The following TGS1 variants were observed in gnomAD, a reference collection of about 807,000 sequenced individuals.
TGS1 encodes trimethylguanosine synthase 1, also known as trimethylguanosine synthase.
Under a neutral mutation model 92.2 loss-of-function variants are expected in TGS1, and 69 were observed. The ratio of observed to expected loss-of-function variants is 0.75; its 90% confidence interval spans 0.62 to 0.91. The LOEUF (loss-of-function observed/expected upper bound fraction) is 0.91, where lower values mean the gene tolerates loss of function less well. TGS1 is among the 40% of genes least tolerant of loss of function. The pLI is 0.00. For missense variants in TGS1, 1,062 were observed against 1,001.2 expected (o/e 1.06, Z -0.82); for synonymous variants, 345 against 338.1 (o/e 1.02, Z -0.22).
chr8:55,774,654 A>G (rs966046259), intron 1 of TGS1, among the ~76,000 whole-genome samples: 3 of 152,220 alleles, frequency 2.0e-5, no homozygotes, highest in Non-Finnish European at 2.9e-5. Context: ...GCACTGAGGT[A>G]CAAGACATTC....
At chr8:55,795,871 T>G (rs1812028547) in intron 6 of TGS1, 107 bp from the exon 7 acceptor site, 3 of 828,122 alleles carry the variant, frequency 3.6e-6, no homozygotes, top group Non-Finnish European at 5.8e-6. Flanking sequence ...AAAAGGGAAT[T>G]AAAATGGTGT....
chr8:55,817,067 G>A lies in TGS1; in HGVS notation c.2439+3949G>A, dbSNP rs183767139. On this transcript the variant is annotated intron_variant, in intron 12 of 12. Transcript: ENST00000260129. ...TTTAGTAGAGACAGGGTTTCACCAC[G>A]TTGGCCAGGATGGTCTCGATCTCTT... is the stretch of plus-strand genomic sequence containing the variant. 3.3e-5 allele frequency among the ~76,000 whole-genome samples: 5 copies of A among 152,130 alleles called. No individual in the cohort carries two copies. In the East Asian group the frequency reaches 7.7e-4, roughly 23 times the overall value.
intron 10 of TGS1, among the ~76,000 whole-genome samples, chr8:55,806,803 T>C (rs1463563994): frequency 2.0e-5 from 3 of 152,226 alleles, no homozygotes; most frequent in Admixed American, 2.0e-4. Flanking sequence ...GCCAAGGTCA[T>C]AGTATTTTAT....
chr8:55,775,571 T>A (rs1811373047), intron 1 of TGS1, among the ~76,000 whole-genome samples: 1 of 152,074 alleles, frequency 6.6e-6, no homozygotes, highest in Non-Finnish European at 1.5e-5. Flanking sequence ...TATTGCTGCC[T>A]TTCACTGAGG....
rs551017095 is a variant in TGS1 at position 55,789,397 on chromosome 8, TAATC to T, written c.1163-781_1163-778del. On this transcript the variant is annotated intron_variant, in intron 4 of 12. Transcript: ENST00000260129. ...AAGGCAAATGAAGAGAAATTCTTCT[TAATC>T]AATGTGATTATGCCCCCTTTACGGT... Among the ~76,000 whole-genome samples, 90 of 152,300 alleles carry T rather than the reference TAATC, an allele frequency of 5.9e-4. 1 individual carries two copies. Among genetic ancestry groups the T allele is most frequent in the South Asian group, 2.5e-3 (12 of 4,826 alleles).
Position 55,782,780 on chromosome 8 carries a change from G to T in TGS1, c.134G>T (p.Gly45Val). ...DRKLYNLGLK[G>V]YYIRDSGNNS... Reference sequence around the variant, plus strand: ...AAATTGTACAATTTGGGATTAAAAGGCTATTACATCAGAGACAGTGGCAAC... The same window carrying T: ...AAATTGTACAATTTGGGATTAAAAGTCTATTACATCAGAGACAGTGGCAAC... Residue 45 changes from glycine to valine, a missense_variant, in exon 2 of 13, where the codon GGC becomes GTC. Transcript: ENST00000260129. The T allele has an allele frequency of 1.9e-6, 3 of 1,610,648 alleles. No homozygotes were observed. The highest frequency in any genetic ancestry group is 2.5e-6 in the Non-Finnish European group (3 of 1,178,930).
Position 55,790,294 on chromosome 8 carries a change from G to A in TGS1, c.1275G>A (p.Lys425=). 6.2e-7 allele frequency: 1 copy of A among 1,611,022 alleles called. No individual in the cohort carries two copies. Among genetic ancestry groups the A allele is most frequent in the Non-Finnish European group, 8.5e-7 (1 of 1,177,274 alleles). ...DPPEHKPSKL[K]RSHELDIDEN... ...CTGAGCATAAGCCAAGCAAACTGAA[G>A]AGGAGGTAAGTTACATGAGACCCCT... The change falls in exon 5 of 13, where the codon AAG becomes AAA. Residue 425 remains lysine (K), a synonymous_variant. Transcript: ENST00000260129.
intron 4 of TGS1, among the ~76,000 whole-genome samples, chr8:55,788,886 TAC>T (rs1281619891): frequency 6.6e-6 from 1 of 152,228 alleles, no homozygotes; most frequent in Non-Finnish European, 1.5e-5. Context: ...GCCTCTGACT[TAC>T]AGTCTCATTT....
At chr8:55,791,081 A>T (rs1164330265) in intron 5 of TGS1, among the ~76,000 whole-genome samples, 2 of 152,192 alleles carry the variant, frequency 1.3e-5, no homozygotes, top group Non-Finnish European at 2.9e-5. Flanking sequence ...CATTGTATAG[A>T]TAGGAACACT....
In TGS1 at chr8:55,826,265, T is replaced by C. The variant is rs1348559826; in HGVS notation, c.*1562T>C. ...TTAACCTTTCTTGCATATACTTCTT[T>C]CCACAGCTCATTTTCTTACTTGTAT... On this transcript the variant is annotated 3_prime_UTR_variant, in exon 13 of 13. Coordinates refer to ENST00000260129, the MANE Select transcript of TGS1 (RefSeq NM_024831.8). Among the ~76,000 whole-genome samples, 1 of 152,182 alleles carries C rather than the reference T, an allele frequency of 6.6e-6. No individual in the cohort carries two copies. The highest frequency in any genetic ancestry group is 2.4e-5 in the African/African-American group (1 of 41,432).
chr8:55,816,580 T>A (rs569742849), intron 12 of TGS1, among the ~76,000 whole-genome samples: 4 of 152,332 alleles, frequency 2.6e-5, no homozygotes, highest in Non-Finnish European at 2.9e-5. Context: ...TCATGGTATG[T>A]ATCTTACCAA....
chr8:55,814,813 G>C (rs1803433127), intron 12 of TGS1, among the ~76,000 whole-genome samples: 1 of 149,468 alleles, frequency 6.7e-6, no homozygotes, highest in Non-Finnish European at 1.5e-5. Flanking sequence ...ACTCCAGCCT[G>C]GGTGACAGAG....
At chr8:55,783,547 A>C (rs1370104075) in intron 2 of TGS1, among the ~76,000 whole-genome samples, 1 of 152,230 alleles carries the variant, frequency 6.6e-6, no homozygotes, top group East Asian at 1.9e-4. Context: ...CTTTTGCCTG[A>C]AGTAAAGAGA....
intron 12 of TGS1, among the ~76,000 whole-genome samples, chr8:55,823,885 C>T (rs548542805): frequency 3.9e-5 from 6 of 152,124 alleles, no homozygotes; most frequent in African/African-American, 1.2e-4. Context: ...GAGGCCGGGC[C>T]GAGCGGATCA....
chr8:55,809,453 ATT>A lies in TGS1; in HGVS notation c.2144-1415_2144-1414del, dbSNP rs11450515. ...TGGCTGAGGATTAACATTTGTCAGCATTTTTTTTTTTTTTGCAGTTGTGGGGT... is the reference window on the plus strand; with the variant it reads ...TGGCTGAGGATTAACATTTGTCAGCATTTTTTTTTTTTGCAGTTGTGGGGT... On this transcript the variant is annotated intron_variant, in intron 10 of 12. Coordinates refer to ENST00000260129, the MANE Select transcript of TGS1 (RefSeq NM_024831.8). 4.0e-3 allele frequency among the ~76,000 whole-genome samples: 586 copies of A among 145,782 alleles called. 6 individuals carry two copies. Among genetic ancestry groups the A allele is most frequent in the African/African-American group, 0.014 (566 of 39,596 alleles).
rs1264211159 is a variant in TGS1 at position 55,825,364 on chromosome 8, A to C, written c.*661A>C. ...CCCTTTTATAAAGTTTGTGTTTGTA[A>C]AATTTCCATTGTGACATCAATACGC... On this transcript the variant is annotated 3_prime_UTR_variant, in exon 13 of 13. Coordinates refer to ENST00000260129, the MANE Select transcript of TGS1 (RefSeq NM_024831.8). 1 of 152,214 alleles carries C rather than the reference A, an allele frequency of 6.6e-6. No homozygotes were observed. The highest frequency in any genetic ancestry group is 1.9e-4 in the East Asian group (1 of 5,204). 9.4% of individuals were successfully genotyped at this position (152,214 alleles called of 1,614,324 possible).
Position 55,810,872 on chromosome 8 carries a change from C to G in TGS1, c.2144-9C>G. 6.2e-7 allele frequency: 1 copy of G among 1,610,710 alleles called. No homozygotes were observed. The highest frequency in any genetic ancestry group is 8.5e-7 in the Non-Finnish European group (1 of 1,178,340). ...CAATTAACTCATTTTTTTCTTTTCC[C>G]ACTTTTAGTGATTGCCATTGATATC... On this transcript the variant is annotated splice_polypyrimidine_tract_variant and intron_variant, in intron 10 of 12. Transcript: ENST00000260129.
At position 55,777,964 on chromosome 8, in the gene TGS1, C is replaced by CAA. The variant is rs770749124; in HGVS notation, c.101+4245_101+4246insAA. On this transcript the variant is annotated intron_variant, in intron 1 of 12. Coordinates refer to ENST00000260129, the MANE Select transcript of TGS1 (RefSeq NM_024831.8). ...CCTGAGGTATGTCTTGTTATCCTCA[C>CAA]TTATTCAAGTAGAAAATTGAGTCTT... is the stretch of plus-strand genomic sequence containing the variant. Among the ~76,000 whole-genome samples the CAA allele has an allele frequency of 5.9e-5, 9 of 151,618 alleles. No individual in the cohort carries two copies. The East Asian group carries it at 1.2e-3, about 20-fold the overall frequency.
chr8:55,794,162 T>G (rs922395971), intron 6 of TGS1, among the ~76,000 whole-genome samples: 1 of 152,220 alleles, frequency 6.6e-6, no homozygotes, highest in Non-Finnish European at 1.5e-5. Flanking sequence ...TTATTACATG[T>G]GCCTGCCTGC....
Sources: allele counts gnomAD v4.1 joint callset (sites outside exome capture counted in the v4.1 genomes callset), GRCh38; gene constraint gnomAD v4.1.1; transcripts MANE v1.5; gene names NCBI Gene and HGNC (gene_info 2026-07-23, HGNC 2026-07-21).